Variants in ZNF124 observed in about 807,000 individuals in gnomAD.
ZNF124 encodes the protein zinc finger protein 124.
In ZNF124, 25 loss-of-function variants were observed where a neutral mutation model predicts 26.6. That is an observed-to-expected ratio of 0.94 (90% CI 0.68 to 1.31). The LOEUF (loss-of-function observed/expected upper bound fraction) is 1.31, where lower values mean the gene tolerates loss of function less well. ZNF124 is among the 40% of genes most tolerant of loss of function. ZNF124 has a pLI of 0.00. For synonymous variants in ZNF124, 129 were observed against 133.3 expected (o/e 0.97, Z 0.22); for missense variants, 444 against 422.2 (o/e 1.05, Z -0.45).
chr1:247,130,803 C>T (rs138508453), intron 3 of ZNF124, among the ~76,000 whole-genome samples: 16 of 152,264 alleles, frequency 1.1e-4, no homozygotes, highest in Non-Finnish European at 1.8e-4. Context: ...GGGGGCCAAG[C>T]GCGGTGGCTC....
chr1:247,162,373 T>C (rs969689700), intron 1 of ZNF124, among the ~76,000 whole-genome samples: 1 of 152,110 alleles, frequency 6.6e-6, no homozygotes, highest in Non-Finnish European at 1.5e-5. Context: ...CCATCTCACA[T>C]GCAATGACGC....
At chr1:247,167,344 AG>A (rs149125344) in intron 1 of ZNF124, among the ~76,000 whole-genome samples, 14,386 of 152,260 alleles carry the variant, frequency 0.094, 814 homozygotes, top group Admixed American at 0.16. Context: ...TGCAGGCAAC[AG>A]AAAACAGCAC....
intron 3 of ZNF124, among the ~76,000 whole-genome samples, chr1:247,134,231 C>T (rs895963786): frequency 3.3e-5 from 5 of 152,130 alleles, no homozygotes; most frequent in African/African-American, 1.2e-4. Flanking sequence ...ATCACGACAA[C>T]AGGATCAAAT....
intron 1 of ZNF124, among the ~76,000 whole-genome samples, chr1:247,167,086 C>T (rs956427815): frequency 6.6e-6 from 1 of 152,116 alleles, no homozygotes; most frequent in East Asian, 1.9e-4. Flanking sequence ...ATTATTAAGA[C>T]CCACTCATGA....
At chr1:247,150,586 A>G (rs901688439), downstream of ZNF124, among the ~76,000 whole-genome samples, 6 of 152,204 alleles carry the variant, frequency 3.9e-5, no homozygotes, top group African/African-American at 1.4e-4. Flanking sequence ...TAAAAAAACA[A>G]AAACAGCATC....
chr1:247,140,238 G>A (rs559311905), intron 3 of ZNF124, among the ~76,000 whole-genome samples: 1 of 152,274 alleles, frequency 6.6e-6, no homozygotes, highest in Non-Finnish European at 1.5e-5. Context: ...CAGTCTTCAT[G>A]TTCTGAGAGT....
intron 3 of ZNF124, among the ~76,000 whole-genome samples, chr1:247,141,536 C>A (rs1572065342): frequency 1.3e-5 from 2 of 151,810 alleles, no homozygotes; most frequent in East Asian, 3.9e-4. Context: ...CTCTCAGGTT[C>A]TTTGTTTCTT....
chr1:247,156,939 T>G lies in ZNF124; in HGVS notation c.683A>C (p.His228Pro). ...GCACACATAAGGTTTCTCTCCAGTG[T>G]GAGTTCTTTCATGGTAATGAAGGCA... ...SNCLHYHERT[H>P]TGEKPYVCME... Residue 228 changes from histidine to proline, a missense_variant, in exon 4 of 4, where the codon CAC (histidine) becomes CCC (proline). His to Pro is a moderately conservative substitution (Grantham distance 77, BLOSUM62 -2). Transcript: ENST00000543802. 1.2e-6 allele frequency: 2 copies of G among 1,613,542 alleles called. No individual in the cohort carries two copies. Among genetic ancestry groups the G allele is most frequent in the Non-Finnish European group, 1.7e-6 (2 of 1,179,550 alleles).
intron 3 of ZNF124, among the ~76,000 whole-genome samples, chr1:247,130,787 CA>C (rs1479503137): frequency 6.6e-6 from 1 of 152,134 alleles, no homozygotes; most frequent in Non-Finnish European, 1.5e-5. Flanking sequence ...TCATTTGAAA[CA>C]AAGTGGGGGC....
chr1:247,160,219 C>T (rs1036149807), intron 1 of ZNF124, among the ~76,000 whole-genome samples: 1 of 152,136 alleles, frequency 6.6e-6, no homozygotes, highest in South Asian at 2.1e-4. Flanking sequence ...CTCTTGACCT[C>T]GTGATCTGCC....
At chr1:247,131,089 C>G (rs1296603700) in intron 3 of ZNF124, among the ~76,000 whole-genome samples, 3 of 152,146 alleles carry the variant, frequency 2.0e-5, no homozygotes, top group South Asian at 2.1e-4. Flanking sequence ...CTAAAAAACT[C>G]ATAATAAGCA....
Position 247,159,807 on chromosome 1 carries a change from C to A in ZNF124, c.37G>T (p.Val13Phe). The change falls in exon 2 of 4, where the codon GTT becomes TTT. Residue 13 changes from valine (V) to phenylalanine (F), a missense_variant. Transcript: ENST00000543802. ...TTCACAGCCACATCCTCAAAGGCAACCGAGTTCTAAAATATTCCACATTTT... is the reference window on the plus strand; with the variant it reads ...TTCACAGCCACATCCTCAAAGGCAAACGAGTTCTAAAATATTCCACATTTT... ...GHPGSWEMNS[V>F]AFEDVAVNFT... The A allele has an allele frequency of 6.2e-7, 1 of 1,610,304 alleles. No homozygotes were observed. Among genetic ancestry groups the A allele is most frequent in the Non-Finnish European group, 8.5e-7 (1 of 1,179,154 alleles).
At chr1:247,126,316 A>G (rs1202498855) in intron 3 of ZNF124, among the ~76,000 whole-genome samples, 1 of 106,484 alleles carries the variant, frequency 9.4e-6, no homozygotes, top group East Asian at 2.5e-4. Flanking sequence ...CCTGTCACTA[A>G]GAGTCTGAGG....
At chr1:247,138,115 A>G (rs887951326) in intron 3 of ZNF124, 2 of 152,236 alleles carry the variant, frequency 1.3e-5, no homozygotes, top group African/African-American at 4.8e-5. Context: ...GTATATACCC[A>G]AAGGAATATA....
In ZNF124 at chr1:247,156,675, T is replaced by C; in HGVS notation, c.947A>G (p.Lys316Arg). The change falls in exon 4 of 4, where the codon AAA becomes AGA. Residue 316 changes from lysine (K) to arginine (R), a missense_variant. Coordinates refer to ENST00000543802, the MANE Select transcript of ZNF124 (RefSeq NM_001297568.2). ...RDHERTHTGEKPYECQKCGKA... is the reference protein window; with the variant it reads ...RDHERTHTGERPYECQKCGKA... ...GCCACATTTCTGACATTCATAGGGT[T>C]TCTCTCCAGTATGAGTCCTTTCATG... is the stretch of plus-strand genomic sequence containing the variant. 6.2e-7 allele frequency: 1 copy of C among 1,613,270 alleles called. No homozygotes were observed. The highest frequency in any genetic ancestry group is 1.1e-5 in the South Asian group (1 of 90,942).
chr1:247,139,845 G>A (rs899246589), intron 3 of ZNF124, among the ~76,000 whole-genome samples: 1 of 152,296 alleles, frequency 6.6e-6, no homozygotes, highest in South Asian at 2.1e-4. Context: ...GGCTTATAGG[G>A]TTTCAGCTGA....
chr1:247,128,939 C>T (rs1391306868), intron 3 of ZNF124, among the ~76,000 whole-genome samples: 20 of 95,956 alleles, frequency 2.1e-4, no homozygotes, highest in Non-Finnish European at 3.3e-4. Context: ...AGTACTTCCC[C>T]CAGCAGGATG....
downstream of ZNF124, among the ~76,000 whole-genome samples, chr1:247,153,641 G>T (rs546260429): frequency 6.6e-6 from 1 of 152,162 alleles, no homozygotes; most frequent in Non-Finnish European, 1.5e-5. Flanking sequence ...AACAGACAGT[G>T]TAGACCATCT....
chr1:247,170,929 ACTT>A (rs575047187), intron 1 of ZNF124, among the ~76,000 whole-genome samples: 284 of 101,072 alleles, frequency 2.8e-3, no homozygotes, highest in African/African-American at 7.5e-3. Context: ...TTTAGTTTTT[ACTT>A]CTTCTTTCTT....
Sources: gnomAD v4.1 joint callset for allele counts (sites outside exome capture counted in the v4.1 genomes callset) on GRCh38, gnomAD v4.1.1 for gene constraint, MANE v1.5 for transcripts, NCBI Gene and HGNC (gene_info 2026-07-23, HGNC 2026-07-21) for gene names.